The following PPP2R1B variants were observed in gnomAD, a reference collection of about 807,000 sequenced individuals.
PPP2R1B encodes the protein protein phosphatase 2 scaffold subunit Abeta, also known as serine/threonine-protein phosphatase 2A 65 kDa regulatory subunit A beta isoform.
In PPP2R1B, 58 loss-of-function variants were observed where a neutral mutation model predicts 72.7. The ratio of observed to expected loss-of-function variants is 0.80; its 90% CI spans 0.65 to 0.99. The LOEUF is 0.99. Ranked by LOEUF, PPP2R1B falls within the 50% of genes least tolerant of loss-of-function variation. The pLI, the probability that PPP2R1B is intolerant of heterozygous loss-of-function variation, is 0.00. For synonymous variants in PPP2R1B, 256 were observed against 264.6 expected (o/e 0.97, Z 0.32); for missense variants, 695 against 733.6 (o/e 0.95, Z 0.61).
In PPP2R1B at chr11:111,754,999, A is replaced by G. The variant is rs781793923; in HGVS notation, c.939T>C (p.Ala313=). 6.2e-7 allele frequency: 1 copy of G among 1,612,468 alleles called. No individual in the cohort carries two copies. Among genetic ancestry groups the G allele is most frequent in the South Asian group, 1.1e-5 (1 of 91,020 alleles). The part of the protein sequence containing the change: ...LKDCEAEVRA[A]AAHKVKELGE... ...CTTAACCTTTTACTTTGTGGGCAGC[A>G]GCTGCCCGGACTTCAGCTTCACAGT... The change falls in exon 7 of 15, where the codon GCT becomes GCC. Residue 313 remains alanine, a synonymous_variant. Coordinates refer to ENST00000527614, the MANE Select transcript of PPP2R1B (RefSeq NM_002716.5).
At position 111,739,261 on chromosome 11, in the gene PPP2R1B, C is replaced by T; in HGVS notation, c.*2335G>A. On this transcript the variant is annotated 3_prime_UTR_variant, in exon 15 of 15. Coordinates refer to ENST00000527614, the MANE Select transcript of PPP2R1B (RefSeq NM_002716.5). ...GCGATACAGTAGAAGATAAAACAGA[C>T]AAAAATACCAGCCTTACAGAGCTCC... is the stretch of plus-strand genomic sequence containing the variant. 1.0e-6 allele frequency: 1 copy of T among 971,892 alleles called. No homozygotes were observed. Among genetic ancestry groups the T allele is most frequent in the Non-Finnish European group, 1.2e-6 (1 of 818,024 alleles). 60.2% of individuals were successfully genotyped at this position (971,892 alleles called of 1,614,324 possible). A position where few individuals can be genotyped will look rare whatever the true frequency, so the allele number is the denominator to read the frequency against.
At chr11:111,692,380 A>C in the PPP2R1B span, among the ~76,000 whole-genome samples, 5 of 144,164 alleles carry the variant, frequency 3.5e-5, no homozygotes, top group Non-Finnish European at 6.1e-5. Flanking sequence ...AAAAAAAAAA[A>C]AAAAAAAACA....
Position 111,741,054 on chromosome 11 carries a change from C to T in PPP2R1B, c.*542G>A, listed in dbSNP as rs545644005. 6.1e-6 allele frequency: 6 copies of T among 986,128 alleles called. No individual in the cohort carries two copies. The South Asian group carries it at 2.8e-4, about 46-fold the overall frequency. The allele number at this position is 986,128 out of a possible 1,614,324, so 61.1% of individuals were successfully genotyped here. Reference sequence around the variant, plus strand: ...ACATTAACCCTGAGCTTCCACATTCCCCTTTCACATGAGACTAATGCAGAC... The same window carrying T: ...ACATTAACCCTGAGCTTCCACATTCTCCTTTCACATGAGACTAATGCAGAC... On this transcript the variant is annotated 3_prime_UTR_variant, in exon 15 of 15. Transcript: ENST00000527614.
At chr11:111,708,301 G>A in the PPP2R1B span, among the ~76,000 whole-genome samples, 1 of 152,088 alleles carries the variant, frequency 6.6e-6, no homozygotes, top group African/African-American at 2.4e-5. Context: ...AAAATCGCTT[G>A]AACCCAGGAG....
the PPP2R1B span, among the ~76,000 whole-genome samples, chr11:111,714,562 G>A: frequency 5.9e-5 from 9 of 152,174 alleles, no homozygotes; most frequent in Non-Finnish European, 1.0e-4. Context: ...CTAGAATAGT[G>A]GCAGATAGAG....
At chr11:111,720,030 G>C in the PPP2R1B span, 1 of 1,593,060 alleles carries the variant, frequency 6.3e-7, no homozygotes, top group Non-Finnish European at 8.6e-7. Flanking sequence ...ACACTAGCTT[G>C]AGTCTTCATG....
rs1187462299 is a variant in PPP2R1B, at chr11:111,739,657, C to T, written c.*1939G>A. The T allele has an allele frequency of 1.0e-6, 1 of 985,240 alleles. No individual in the cohort carries two copies. The highest frequency in any genetic ancestry group is 1.7e-5 in the African/African-American group (1 of 57,202). The allele number at this position is 985,240 out of a possible 1,614,324, so 61.0% of individuals were successfully genotyped here. Reference sequence around the variant, plus strand: ...GTCCCCAAAACAATGGCATTTCCAACCAGAGTAAAGCAATGGTTCCAGTGC... The same window carrying T: ...GTCCCCAAAACAATGGCATTTCCAATCAGAGTAAAGCAATGGTTCCAGTGC... On this transcript the variant is annotated 3_prime_UTR_variant, in exon 15 of 15. Transcript: ENST00000527614.
rs1324741239 is a variant in PPP2R1B at position 111,739,841 on chromosome 11, G to A, written c.*1755C>T. ...AAAATGAGAATATAGAAAAAGATTT[G>A]TGCTTAGGAAAATACTTAATTCTTG... is the stretch of plus-strand genomic sequence containing the variant. On this transcript the variant is annotated 3_prime_UTR_variant, in exon 15 of 15. Transcript: ENST00000527614. The A allele has an allele frequency of 4.1e-6, 4 of 974,430 alleles. No homozygotes were observed. In the East Asian group the frequency reaches 4.6e-4, roughly 111 times the overall value. The allele number at this position is 974,430 out of a possible 1,614,324, so 60.4% of individuals were successfully genotyped here.
In PPP2R1B at chr11:111,740,904, G is replaced by A. The variant is rs888386560; in HGVS notation, c.*692C>T. The A allele has an allele frequency of 1.0e-6, 1 of 985,478 alleles. No homozygotes were observed. The highest frequency in any genetic ancestry group is 1.2e-6 in the Non-Finnish European group (1 of 829,968). 61.0% of individuals were successfully genotyped at this position (985,478 alleles called of 1,614,324 possible). On this transcript the variant is annotated 3_prime_UTR_variant, in exon 15 of 15. Coordinates refer to ENST00000527614, the MANE Select transcript of PPP2R1B (RefSeq NM_002716.5). ...AGTATTTTTAAATGTAGGCACAGTG[G>A]TGAGCTGTTCAAATTCAGTTAGGCG...
chr11:111,743,402 T>A lies in PPP2R1B; in HGVS notation c.1528A>T (p.Arg510Ter). 1 of 1,612,588 alleles carries A rather than the reference T, an allele frequency of 6.2e-7. No individual in the cohort carries two copies. Among genetic ancestry groups the A allele is most frequent in the African/African-American group, 1.3e-5 (1 of 74,998 alleles). ...VMANDPNYLHRMTTLFCINAL... is the reference protein window; with the variant it reads ...VMANDPNYLH ...TTAATGCAGAATAAAGTGGTCATTC[T>A]ATGCAAGTAATTAGGATCATTTGCC... The change falls in exon 12 of 15, where the codon AGA becomes TGA. Residue 510 changes from arginine to a stop codon, truncating the protein, a stop_gained. Coordinates refer to ENST00000527614, the MANE Select transcript of PPP2R1B (RefSeq NM_002716.5). LOFTEE classifies it high-confidence loss of function.
rs1191363599 is a variant in PPP2R1B at position 111,740,028 on chromosome 11, G to A, written c.*1568C>T. The stretch of plus-strand genomic sequence containing the variant: ...GTAACAAATATACAAAGTCTTAGAG[G>A]AGTCTTTGGGCCTTCACTAAACAGA... On this transcript the variant is annotated 3_prime_UTR_variant, in exon 15 of 15. Coordinates refer to ENST00000527614, the MANE Select transcript of PPP2R1B (RefSeq NM_002716.5). The A allele has an allele frequency of 1.0e-6, 1 of 982,928 alleles. No individual in the cohort carries two copies. The highest frequency in any genetic ancestry group is 1.2e-6 in the Non-Finnish European group (1 of 827,790). The allele number at this position is 982,928 out of a possible 1,614,324, so 60.9% of individuals were successfully genotyped here.
At chr11:111,693,115 C>T in the PPP2R1B span, among the ~76,000 whole-genome samples, 3 of 152,086 alleles carry the variant, frequency 2.0e-5, no homozygotes, top group East Asian at 1.9e-4. Context: ...GGGCGGATCA[C>T]GAGGGCAGGA....
At chr11:111,754,606 G>A in intron 7 of PPP2R1B, 37 bp from the exon 8 acceptor site, 1 of 1,581,596 alleles carries the variant, frequency 6.3e-7, no homozygotes, top group African/African-American at 1.4e-5. Flanking sequence ...GCTTTCACAG[G>A]GCCATTTACA....
At chr11:111,712,152 G>A in the PPP2R1B span, 3 of 1,465,650 alleles carry the variant, frequency 2.0e-6, no homozygotes, top group South Asian at 1.2e-5. Context: ...TTAGAACTTT[G>A]TGTATTTATA....
At position 111,727,087 on chromosome 11, in the gene PPP2R1B, A is replaced by G. The variant is rs1663774096; in HGVS notation, c.1912-30T>C. 10 of 1,592,860 alleles carry G rather than the reference A, an allele frequency of 6.3e-6. No individual in the cohort carries two copies. In the African/African-American group the frequency reaches 9.4e-5, roughly 15 times the overall value. ...AAGGCAAACAGCATGTTAGCCCGAC[A>G]GGAAGAGGGGGCCCACTTTCACATT... is the stretch of plus-strand genomic sequence containing the variant. On this transcript the variant is annotated intron_variant, in intron 15 of 15. Coordinates refer to the PPP2R1B transcript ENST00000311129.
chr11:111,705,550 T>C, the PPP2R1B span, among the ~76,000 whole-genome samples: 1 of 152,030 alleles, frequency 6.6e-6, no homozygotes, highest in East Asian at 1.9e-4. The surrounding 1 kb of genome is among the most constrained non-coding windows in gnomAD (Gnocchi z 4.3). Context: ...ACAACCATCA[T>C]TCAAAATAGG....
intron 14 of PPP2R1B, 53 bp from the exon 15 acceptor site, chr11:111,741,665 T>C: frequency 1.3e-6 from 2 of 1,566,546 alleles, no homozygotes; most frequent in Non-Finnish European, 8.8e-7. Flanking sequence ...TCACGAACGA[T>C]CTATGTGAAT....
chr11:111,704,111 C>T, the PPP2R1B span, among the ~76,000 whole-genome samples: 4 of 152,230 alleles, frequency 2.6e-5, no homozygotes, highest in Non-Finnish European at 5.9e-5. Context: ...CCGGGCTGTG[C>T]TGCCTTTCCC....
At chr11:111,704,046 A>C in the PPP2R1B span, among the ~76,000 whole-genome samples, 1 of 152,244 alleles carries the variant, frequency 6.6e-6, no homozygotes, top group Non-Finnish European at 1.5e-5. Context: ...TCAGGAAGAA[A>C]CATAACAAGA....
Sources: gnomAD v4.1 joint callset for allele counts (sites outside exome capture counted in the v4.1 genomes callset) on GRCh38, gnomAD v4.1.1 for gene constraint, Gnocchi (gnomAD v3.1) non-coding constraint, MANE v1.5 for transcripts, NCBI Gene and HGNC (gene_info 2026-07-23, HGNC 2026-07-21) for gene names.